SLC25A46: variants seen among roughly 807,000 people sequenced by gnomAD.
The protein encoded by SLC25A46 is solute carrier family 25 member 46.
In SLC25A46, 39 loss-of-function variants were observed where a neutral mutation model predicts 44.6. That is an observed-to-expected ratio of 0.87 (90% CI 0.68 to 1.14). The LOEUF is 1.14. SLC25A46 is among the 50% of genes most tolerant of loss of function. SLC25A46 has a pLI of 0.00. For missense variants in SLC25A46, 547 were observed against 522.7 expected (o/e 1.05, Z -0.45); for synonymous variants, 202 against 185.8 (o/e 1.09, Z -0.71).
rs755840361 is a variant in SLC25A46 at position 110,739,338 on chromosome 5, C to T, written c.219C>T (p.Tyr73=). ...GCGTGCCCACCACCTCCACCCCGTA[C>T]GAAGGCCCCACGGAGGAACCCTTTT... ...PYGVPTTSTP[Y]EGPTEEPFSS... is the part of the protein sequence containing the mutation. The change falls in exon 1 of 8, where the codon TAC becomes TAT. Residue 73 remains tyrosine, a synonymous_variant. Transcript: ENST00000355943. The T allele has an allele frequency of 5.2e-5, 82 of 1,564,720 alleles. No individual in the cohort carries two copies. Among genetic ancestry groups the T allele is most frequent in the Non-Finnish European group, 7.0e-5 (81 of 1,155,716 alleles).
chr5:110,739,979 G>A (rs1456147811), intron 1 of SLC25A46, among the ~76,000 whole-genome samples: 1 of 151,316 alleles, frequency 6.6e-6, no homozygotes. Flanking sequence ...CAGGAGTTTT[G>A]TCTGCTTTTC....
Position 110,748,271 on chromosome 5 carries a change from T to C in SLC25A46, c.563+8T>C. ...ATTTACACCTTTGCCAAGGTACCAT[T>C]TTTAGCATTTCTTCAGTATTAGTTT... On this transcript the variant is annotated splice_region_variant and intron_variant, in intron 5 of 7. Transcript: ENST00000355943. 1.2e-6 allele frequency: 2 copies of C among 1,608,514 alleles called. No homozygotes were observed. Among genetic ancestry groups the C allele is most frequent in the Non-Finnish European group, 1.7e-6 (2 of 1,175,162 alleles).
intron 7 of SLC25A46, among the ~76,000 whole-genome samples, chr5:110,760,506 A>G (rs1366102327): frequency 6.6e-6 from 1 of 152,172 alleles, no homozygotes; most frequent in East Asian, 1.9e-4. Context: ...GGCATGATAT[A>G]GCCCCTGGCT....
At chr5:110,744,466 A>T (rs909033838) in intron 3 of SLC25A46, among the ~76,000 whole-genome samples, 1 of 152,220 alleles carries the variant, frequency 6.6e-6, no homozygotes, top group East Asian at 1.9e-4. Flanking sequence ...ATTGTGCATA[A>T]GTTATTTGAA....
chr5:110,761,798 A>C lies in SLC25A46; in HGVS notation c.*16A>C, dbSNP rs1162919414. On this transcript the variant is annotated 3_prime_UTR_variant, in exon 8 of 8. Coordinates refer to ENST00000355943, the MANE Select transcript of SLC25A46 (RefSeq NM_138773.4). This position sits in a 1 kb window ranked among gnomAD's most constrained non-coding sequence, Gnocchi z 5.3. ...TAACATTTGAGATTTAGGTTCCTTCACTGAGTAGTCTGGAAGATATAATCT... is the reference window on the plus strand; with the variant it reads ...TAACATTTGAGATTTAGGTTCCTTCCCTGAGTAGTCTGGAAGATATAATCT... 1.4e-5 allele frequency: 22 copies of C among 1,577,520 alleles called. No homozygotes were observed. The highest frequency in any genetic ancestry group is 1.9e-5 in the Non-Finnish European group (22 of 1,157,924).
chr5:110,746,258 C>A lies in SLC25A46; in HGVS notation c.385-11C>A, dbSNP rs1799815262. Reference sequence around the variant, plus strand: ...TTAACAGAAAAAAATAATGAAATATCTTTTTTACAGGTTAATTACCATGCT... The same window carrying A: ...TTAACAGAAAAAAATAATGAAATATATTTTTTACAGGTTAATTACCATGCT... On this transcript the variant is annotated splice_polypyrimidine_tract_variant and intron_variant, in intron 3 of 7. Transcript: ENST00000355943. The A allele has an allele frequency of 6.5e-7, 1 of 1,544,178 alleles. No individual in the cohort carries two copies.
rs760667701 is a variant in SLC25A46, at chr5:110,761,514, T to C, written c.989T>C (p.Ile330Thr). The change falls in exon 8 of 8, where the codon ATA becomes ACA. Residue 330 changes from isoleucine to threonine, a missense_variant. Physicochemically the swap from Ile to Thr is moderately conservative, Grantham distance 89. Coordinates refer to ENST00000355943, the MANE Select transcript of SLC25A46 (RefSeq NM_138773.4). This position sits in a 1 kb window ranked among gnomAD's most constrained non-coding sequence, Gnocchi z 5.3. ...GCTGCCAGTCTTTGTTCTGACGTTA[T>C]ACTTTACCCATTGGAAACAGTTTTG... ...NFAASLCSDVILYPLETVLHR... is the reference protein window; with the variant it reads ...NFAASLCSDVTLYPLETVLHR... 1.9e-6 allele frequency: 3 copies of C among 1,613,864 alleles called. No homozygotes were observed. The highest frequency in any genetic ancestry group is 2.5e-6 in the Non-Finnish European group (3 of 1,179,830).
chr5:110,739,225 G>T lies in SLC25A46; in HGVS notation c.106G>T (p.Gly36Trp). Residue 36 changes from glycine (G) to tryptophan (W), a missense_variant, in exon 1 of 8, where the codon GGG becomes TGG. By Grantham distance (184) the Gly-to-Trp change is radical. Coordinates refer to ENST00000355943, the MANE Select transcript of SLC25A46 (RefSeq NM_138773.4). ...CTTCCCTGCAAGGTCCTTCAGCACC[G>T]GGTCGGACCTGGGCCACTGGGTGAC... ...GAFPARSFST[G>W]SDLGHWVTTP... The T allele has an allele frequency of 6.3e-7, 1 of 1,576,370 alleles. No individual in the cohort carries two copies. Among genetic ancestry groups the T allele is most frequent in the Non-Finnish European group, 8.6e-7 (1 of 1,161,626 alleles).
At chr5:110,750,233 G>A (rs1580862032) in intron 5 of SLC25A46, among the ~76,000 whole-genome samples, 1 of 151,740 alleles carries the variant, frequency 6.6e-6, no homozygotes, top group East Asian at 1.9e-4. Context: ...AGCAACATTT[G>A]GGCAGCTCAG....
intron 1 of SLC25A46, among the ~76,000 whole-genome samples, chr5:110,739,734 C>G (rs6893292): frequency 0.032 from 4,879 of 152,242 alleles, 248 homozygotes; most frequent in African/African-American, 0.11. Context: ...TTTGGCAGCT[C>G]TATTTTCTTG....
rs1378648598 is a variant in SLC25A46 at position 110,764,371 on chromosome 5, A to T, written c.*2589A>T. 2.6e-5 allele frequency: 4 copies of T among 151,906 alleles called. No individual in the cohort carries two copies. The highest frequency in any genetic ancestry group is 2.0e-4 in the Admixed American group (3 of 15,202). The allele number at this position is 151,906 out of a possible 1,614,324, so 9.4% of individuals were successfully genotyped here. A position where few individuals can be genotyped will look rare whatever the true frequency, so the allele number is the denominator to read the frequency against. On this transcript the variant is annotated 3_prime_UTR_variant, in exon 8 of 8. Coordinates refer to ENST00000355943, the MANE Select transcript of SLC25A46 (RefSeq NM_138773.4). ...TTTTATTTTATGGGCTCCAAAAAAA[A>T]TTATCTGGGTTAATAAGGTTATCTA...
intron 5 of SLC25A46, chr5:110,754,596 G>C (rs1296350146): frequency 6.7e-6 from 1 of 149,372 alleles, no homozygotes; most frequent in African/African-American, 2.5e-5. Context: ...CAAACTAGCA[G>C]ACAGAATGCA....
At chr5:110,748,051 A>G (rs1185985848) in intron 4 of SLC25A46, 112 bp from the exon 5 acceptor site, 1 of 662,036 alleles carries the variant, frequency 1.5e-6, no homozygotes, top group Non-Finnish European at 2.6e-6. Flanking sequence ...TAATATTTCT[A>G]TTAGAATAAT....
chr5:110,765,000 G>A lies in SLC25A46; in HGVS notation c.*3218G>A, dbSNP rs1800354294. ...ATATGGTACCAAGTTGTATAGCAGA[G>A]TAACAAAATCATGATTTGACAATGA... On this transcript the variant is annotated 3_prime_UTR_variant, in exon 8 of 8. Transcript: ENST00000355943. 6.6e-6 allele frequency: 1 copy of A among 151,514 alleles called. No individual in the cohort carries two copies. Among genetic ancestry groups the A allele is most frequent in the Non-Finnish European group, 1.5e-5 (1 of 67,852 alleles). 9.4% of individuals were successfully genotyped at this position (151,514 alleles called of 1,614,324 possible).
intron 1 of SLC25A46, 113 bp downstream of exon 1, chr5:110,739,515 A>G (rs1271314938): frequency 1.4e-6 from 2 of 1,390,600 alleles, no homozygotes; most frequent in Non-Finnish European, 1.9e-6. Flanking sequence ...TTCTCATCCT[A>G]TCGCGCGCCA....
intron 5 of SLC25A46, 25 bp downstream of exon 5, chr5:110,748,288 TATTAGTTTCATGTGGTG>T (rs780052324): frequency 1.9e-6 from 3 of 1,583,204 alleles, no homozygotes; most frequent in Admixed American, 3.3e-5. Flanking sequence ...ATTTCTTCAG[TATTAGTTTCATGTGGTG>T]ATGTGTTTTT....
chr5:110,743,920 C>T, intron 3 of SLC25A46, 133 bp downstream of exon 3: 1 of 589,492 alleles, frequency 1.7e-6, no homozygotes, highest in South Asian at 3.5e-5. Context: ...GGTCTCAAAA[C>T]CTCTTTAAAG....
In SLC25A46 at chr5:110,762,526, A is replaced by C. The variant is rs1800282831; in HGVS notation, c.*744A>C. The C allele has an allele frequency of 6.6e-6, 1 of 151,848 alleles. No individual in the cohort carries two copies. The highest frequency in any genetic ancestry group is 6.6e-5 in the Admixed American group (1 of 15,200). 9.4% of individuals were successfully genotyped at this position (151,848 alleles called of 1,614,324 possible). ...ACCCAAAAGATACAAGTCAGAGACA[A>C]CATCCTTGTCCATATCCAAACCCAG... On this transcript the variant is annotated 3_prime_UTR_variant, in exon 8 of 8. Coordinates refer to ENST00000355943, the MANE Select transcript of SLC25A46 (RefSeq NM_138773.4).
At chr5:110,743,236 A>G (rs72773195) in intron 2 of SLC25A46, among the ~76,000 whole-genome samples, 12,030 of 152,108 alleles carry the variant, frequency 0.079, 492 homozygotes, top group Middle Eastern at 0.099. Flanking sequence ...TAAGAATCTT[A>G]TAATTTAAGA....
Sources: allele counts gnomAD v4.1 joint callset (sites outside exome capture counted in the v4.1 genomes callset), GRCh38; gene constraint gnomAD v4.1.1; non-coding constraint Gnocchi (gnomAD v3.1); transcripts MANE v1.5; gene names NCBI Gene and HGNC (gene_info 2026-07-23, HGNC 2026-07-21).